The following DHRS9 variants were observed in gnomAD, a reference collection of about 807,000 sequenced individuals.
The protein encoded by DHRS9 is dehydrogenase/reductase 9.
DHRS9 carries 18 observed loss-of-function variants against 26.6 expected under a neutral mutation model. The observed-to-expected ratio is 0.68, with a 90% CI of 0.47 to 1.00. The LOEUF (loss-of-function observed/expected upper bound fraction) is 1.00. Among genes scored for constraint, DHRS9 ranks in the 50% least tolerant of loss-of-function variants. The probability of loss-of-function intolerance (pLI) is 0.00; values close to 1 mark genes in which losing one functional copy is unlikely to be tolerated. For missense variants in DHRS9, 425 were observed against 378.7 expected (o/e 1.12, Z -1.01); for synonymous variants, 134 against 141.1 (o/e 0.95, Z 0.36).
intron 1 of DHRS9, among the ~76,000 whole-genome samples, chr2:169,079,619 C>T (rs1204110042): frequency 2.6e-5 from 4 of 151,114 alleles, no homozygotes; most frequent in Admixed American, 6.6e-5. Flanking sequence ...TTTGGGAGGC[C>T]GAGGCAGGTG....
At chr2:169,070,680 A>G in intron 1 of DHRS9, 1 of 984,480 alleles carries the variant, frequency 1.0e-6, no homozygotes, top group Non-Finnish European at 1.2e-6. Context: ...ACACAAAAAA[A>G]TCATTAACTC....
chr2:169,084,962 G>T (rs1034879680), intron 3 of DHRS9, among the ~76,000 whole-genome samples: 6 of 152,116 alleles, frequency 3.9e-5, no homozygotes, highest in Admixed American at 1.3e-4. Flanking sequence ...TTCAGAGTTT[G>T]AGGTCTTAGA....
chr2:169,092,707 G>C (rs1684569171), intron 4 of DHRS9, among the ~76,000 whole-genome samples: 1 of 152,170 alleles, frequency 6.6e-6, no homozygotes, highest in South Asian at 2.1e-4. Context: ...GGAGAAGATG[G>C]AAGACACCAG....
In DHRS9 at chr2:169,084,443, T is replaced by C. The variant is rs189182141; in HGVS notation, c.572+856T>C. Among the ~76,000 whole-genome samples, 10 of 152,290 alleles carry C rather than the reference T, an allele frequency of 6.6e-5. 1 individual carries two copies. In the East Asian group the frequency reaches 9.6e-4, roughly 15 times the overall value. The stretch of plus-strand genomic sequence containing the variant: ...TGTTTTCCATAGTGGTTGTACTAAT[T>C]TACATTCCCACCAATAGTGTACGAG... On this transcript the variant is annotated intron_variant, in intron 3 of 4. Transcript: ENST00000674881.
At chr2:169,078,448 C>T (rs953430834) in intron 1 of DHRS9, among the ~76,000 whole-genome samples, 9 of 152,156 alleles carry the variant, frequency 5.9e-5, no homozygotes, top group Non-Finnish European at 1.2e-4. Context: ...TTAAACATTT[C>T]GCCTTTCGGT....
chr2:169,094,657 C>T (rs1409852974), intron 4 of DHRS9, among the ~76,000 whole-genome samples: 3 of 151,586 alleles, frequency 2.0e-5, no homozygotes, highest in Non-Finnish European at 2.9e-5. Flanking sequence ...GCTGTAATTA[C>T]AGGTGTGAGC....
At position 169,078,815 on chromosome 2, in the gene DHRS9, C is replaced by CTTTTTTTTTTTTTTT. The variant is rs200691133; in HGVS notation, c.-59-2696_-59-2682dup. The stretch of plus-strand genomic sequence containing the variant: ...CTCTGACTTAATTTTTATCAACTGA[C>CTTTTTTTTTTTTTTT]TTTTTTTTTTTTTTTTTTTTTTTTT... On this transcript the variant is annotated intron_variant, in intron 1 of 4. Coordinates refer to ENST00000674881, the MANE Select transcript of DHRS9 (RefSeq NM_001376924.1). 3.3e-4 allele frequency among the ~76,000 whole-genome samples: 36 copies of CTTTTTTTTTTTTTTT among 110,364 alleles called. 4 individuals are homozygous for CTTTTTTTTTTTTTTT. Among genetic ancestry groups the CTTTTTTTTTTTTTTT allele is most frequent in the African/African-American group, 9.4e-4 (25 of 26,664 alleles). 72.4% of individuals were successfully genotyped at this position (110,364 alleles called of 152,430 possible). A position where few individuals can be genotyped will look rare whatever the true frequency, so the allele number is the denominator to read the frequency against.
At chr2:169,078,622 G>A (rs1273267448) in intron 1 of DHRS9, among the ~76,000 whole-genome samples, 1 of 152,016 alleles carries the variant, frequency 6.6e-6, no homozygotes, top group Non-Finnish European at 1.5e-5. Flanking sequence ...GGGAAATCTT[G>A]CTACATGGAC....
rs1354926535 is a variant in DHRS9, at chr2:169,083,418, G to A, written c.403G>A (p.Glu135Lys). Residue 135 changes from glutamate (E) to lysine (K), a missense_variant, in exon 3 of 5, where the codon GAA becomes AAA. Transcript: ENST00000674881. ...LTLEDYREPI[E>K]VNLFGLISVT... The stretch of plus-strand genomic sequence containing the variant: ...ACTAGAGGACTACAGAGAACCTATT[G>A]AAGTGAACCTGTTTGGACTCATCAG... 1.3e-5 allele frequency: 21 copies of A among 1,613,968 alleles called. No homozygotes were observed. Among genetic ancestry groups the A allele is most frequent in the Middle Eastern group, 3.3e-4 (2 of 6,084 alleles).
At position 169,091,929 on chromosome 2, in the gene DHRS9, T is replaced by C. The variant is rs566928390; in HGVS notation, c.712T>C (p.Tyr238His). 1.4e-5 allele frequency: 22 copies of C among 1,613,866 alleles called. No individual in the cohort carries two copies. In the Admixed American group the frequency reaches 2.8e-4, roughly 21 times the overall value. ...EQLSPDIKQQ[Y>H]GEGYIEKSLD... ...GCTGTCTCCAGACATCAAACAACAA[T>C]ATGGAGAAGGTTACATTGAAAAAAG... is the stretch of plus-strand genomic sequence containing the variant. Residue 238 changes from tyrosine to histidine, a missense_variant, in exon 4 of 5, where the codon TAT becomes CAT. By Grantham distance (83) the Tyr-to-His change is moderately conservative. Transcript: ENST00000674881.
chr2:169,092,439 A>G (rs909763684), intron 4 of DHRS9, among the ~76,000 whole-genome samples: 1 of 152,238 alleles, frequency 6.6e-6, no homozygotes, highest in Non-Finnish European at 1.5e-5. Context: ...AACCTAGTTG[A>G]CAACAAGAAG....
intron 1 of DHRS9, among the ~76,000 whole-genome samples, chr2:169,077,873 A>G (rs1684010567): frequency 2.0e-5 from 3 of 152,174 alleles, no homozygotes; most frequent in African/African-American, 4.8e-5. Context: ...GTCAGTTATT[A>G]TACTATAACA....
intron 1 of DHRS9, 110 bp from the exon 2 acceptor site, chr2:169,081,413 C>A (rs577115311): frequency 2.6e-5 from 34 of 1,300,944 alleles, no homozygotes; most frequent in Non-Finnish European, 9.0e-6. Context: ...GTTTCTTTAA[C>A]TTTCTATTTA....
chr2:169,080,450 C>G (rs528626369), intron 1 of DHRS9, among the ~76,000 whole-genome samples: 21 of 152,226 alleles, frequency 1.4e-4, no homozygotes, highest in Non-Finnish European at 2.4e-4. Context: ...GGTACTCAGA[C>G]CTGAGGCAGC....
At chr2:169,075,537 T>C (rs1683938623) in intron 1 of DHRS9, among the ~76,000 whole-genome samples, 1 of 152,192 alleles carries the variant, frequency 6.6e-6, no homozygotes, top group Non-Finnish European at 1.5e-5. Context: ...TGCAATACTA[T>C]TTATCAAATT....
At chr2:169,075,198 A>G (rs1017363594) in intron 1 of DHRS9, among the ~76,000 whole-genome samples, 4 of 152,196 alleles carry the variant, frequency 2.6e-5, no homozygotes, top group Non-Finnish European at 5.9e-5. Context: ...CAGAAAAAAA[A>G]GCTTTACTTT....
At chr2:169,069,229 G>A (rs988297719), upstream of DHRS9, among the ~76,000 whole-genome samples, 1 of 151,800 alleles carries the variant, frequency 6.6e-6, no homozygotes, top group Non-Finnish European at 1.5e-5. Context: ...CTAACAGGAA[G>A]GAAAAAATGG....
At chr2:169,081,184 G>A (rs1224798006) in intron 1 of DHRS9, 1 of 1,017,160 alleles carries the variant, frequency 9.8e-7, no homozygotes, top group East Asian at 8.4e-5. Context: ...CTGTCTTCCT[G>A]ATAGACGAGT....
At chr2:169,074,532 T>C (rs1683904192) in intron 1 of DHRS9, 1 of 811,634 alleles carries the variant, frequency 1.2e-6, no homozygotes, top group Admixed American at 6.2e-5. Flanking sequence ...ACAGCTGGCG[T>C]AGTGTGGTTG....
Sources: gnomAD v4.1 joint callset for allele counts (sites outside exome capture counted in the v4.1 genomes callset) on GRCh38, gnomAD v4.1.1 for gene constraint, MANE v1.5 for transcripts, NCBI Gene and HGNC (gene_info 2026-07-23, HGNC 2026-07-21) for gene names.